The following CCDC88C variants were observed in gnomAD, a reference collection of about 807,000 sequenced individuals.
The protein encoded by CCDC88C is coiled-coil and HOOK domain protein 88C.
A neutral mutation model predicts 198.8 loss-of-function variants in CCDC88C; 131 were observed. The ratio of observed to expected loss-of-function variants is 0.66; its 90% CI spans 0.57 to 0.76. CCDC88C has a LOEUF of 0.76. CCDC88C is among the 30% of genes least tolerant of loss of function. The pLI, the probability that CCDC88C is intolerant of heterozygous loss-of-function variation, is 0.00. For synonymous variants in CCDC88C, 1,166 were observed against 1,114.7 expected (o/e 1.05, Z -0.92); for missense variants, 2,553 against 2,631.6 (o/e 0.97, Z 0.65).
chr14:91,362,959 T>G (rs1894376886), intron 3 of CCDC88C, among the ~76,000 whole-genome samples: 1 of 152,058 alleles, frequency 6.6e-6, no homozygotes, highest in Admixed American at 6.6e-5. Context: ...AATCATGTTT[T>G]AGGAACAGAC....
At chr14:91,391,648 G>A (rs1011506423) in intron 3 of CCDC88C, among the ~76,000 whole-genome samples, 11 of 152,024 alleles carry the variant, frequency 7.2e-5, no homozygotes, top group African/African-American at 1.7e-4. Flanking sequence ...GCGTGGTGGC[G>A]TGTGCCTGTA....
chr14:91,366,153 T>TC (rs1341021966), intron 3 of CCDC88C, among the ~76,000 whole-genome samples: 6 of 136,374 alleles, frequency 4.4e-5, no homozygotes, highest in Non-Finnish European at 7.9e-5. Context: ...ACTTAAAAAA[T>TC]ACACACACAC....
rs754664990 is a variant in CCDC88C at position 91,289,119 on chromosome 14, C to A, written c.4427G>T (p.Gly1476Val). 1 of 1,612,486 alleles carries A rather than the reference C, an allele frequency of 6.2e-7. No homozygotes were observed. Among genetic ancestry groups the A allele is most frequent in the East Asian group, 2.2e-5 (1 of 44,850 alleles). The change falls in exon 25 of 30, where the codon GGG becomes GTG. Residue 1476 changes from glycine (G) to valine (V), a missense_variant. Physicochemically the swap from Gly to Val is moderately radical, Grantham distance 109. Coordinates refer to ENST00000389857, the MANE Select transcript of CCDC88C (RefSeq NM_001080414.4). ...GCCGCCCCTACCTTTCCCCACAGAC[C>A]CGTTGTGGGCGTCGCGCTCTTCTGC... Reference protein sequence around the residue: ...NCAEERDAHNGSVGKGPGDLK... With the variant: ...NCAEERDAHNVSVGKGPGDLK...
intron 10 of CCDC88C, among the ~76,000 whole-genome samples, chr14:91,337,355 G>C (rs1165960320): frequency 6.6e-6 from 1 of 152,186 alleles, no homozygotes; most frequent in African/African-American, 2.4e-5. Context: ...TATTTTTAGG[G>C]ACAGGGTTCC....
chr14:91,295,472 C>A (rs1890959987), intron 22 of CCDC88C, among the ~76,000 whole-genome samples: 2 of 152,250 alleles, frequency 1.3e-5, no homozygotes, highest in Admixed American at 1.3e-4. Context: ...CCTGGAAACT[C>A]AGCTTTGGCC....
chr14:91,298,664 C>A (rs1268446438), intron 21 of CCDC88C, among the ~76,000 whole-genome samples: 1 of 152,226 alleles, frequency 6.6e-6, no homozygotes, highest in South Asian at 2.1e-4. Flanking sequence ...CAGCTGGCGG[C>A]CTTTGCTGGA....
At position 91,302,007 on chromosome 14, in the gene CCDC88C, T is replaced by C. The variant is rs1465915844; in HGVS notation, c.3635+1694A>G. 2.0e-5 allele frequency among the ~76,000 whole-genome samples: 3 copies of C among 152,156 alleles called. No individual in the cohort carries two copies. The East Asian group carries it at 5.8e-4, about 29-fold the overall frequency. On this transcript the variant is annotated intron_variant, in intron 20 of 29. Transcript: ENST00000389857. The stretch of plus-strand genomic sequence containing the variant: ...TACTTTAGGCCGGAAGGAGTAGTCT[T>C]ATAGTTTCAGATGCCTCAACAGCCC...
At chr14:91,411,327 C>T (rs1201151429) in intron 2 of CCDC88C, among the ~76,000 whole-genome samples, 1 of 152,154 alleles carries the variant, frequency 6.6e-6, no homozygotes, top group East Asian at 1.9e-4. Flanking sequence ...CTTCAGTGTT[C>T]TCATCTGCAA....
At chr14:91,383,246 C>G (rs540645828) in intron 3 of CCDC88C, among the ~76,000 whole-genome samples, 35 of 152,348 alleles carry the variant, frequency 2.3e-4, no homozygotes, top group Non-Finnish European at 5.9e-5. Flanking sequence ...CTGGAGTGCC[C>G]AGGGCAATCC....
At position 91,294,279 on chromosome 14, in the gene CCDC88C, G is replaced by C. The variant is rs1455945019; in HGVS notation, c.4006C>G (p.His1336Asp). The C allele has an allele frequency of 1.2e-6, 2 of 1,614,026 alleles. No homozygotes were observed. Residue 1336 changes from histidine to aspartate, a missense_variant, in exon 23 of 30, where the codon CAT (histidine) becomes GAT (aspartate). Physicochemically the swap from His to Asp is moderately conservative, Grantham distance 81. Around this residue, in one of 2 missense-constraint regions of CCDC88C, gnomAD observed 1,293 missense variants for 1,219.6 expected, o/e 1.06. Coordinates refer to ENST00000389857, the MANE Select transcript of CCDC88C (RefSeq NM_001080414.4). ...RLKGNLEEEN[H>D]HLLSQIQLLS... is the part of the protein sequence containing the mutation. ...AGCTGGATCTGGCTCAGGAGGTGAT[G>C]ATTTTCTTCCTCCAAGTTCCCCTTG...
intron 21 of CCDC88C, among the ~76,000 whole-genome samples, chr14:91,298,528 C>CAA (rs35141357): frequency 7.3e-5 from 8 of 109,880 alleles, no homozygotes; most frequent in Admixed American, 9.4e-5. Context: ...GATCCCATCT[C>CAA]AAAAAAAAAA....
chr14:91,307,172 G>C lies in CCDC88C; in HGVS notation c.3061C>G (p.Gln1021Glu). Residue 1021 changes from glutamine to glutamate, a missense_variant, in exon 18 of 30, where the codon CAG (glutamine) becomes GAG (glutamate). Physicochemically the swap from Gln to Glu is conservative, Grantham distance 29. Around this residue, in one of 2 missense-constraint regions of CCDC88C, gnomAD observed 1,260 missense variants for 1,412.0 expected, o/e 0.89. Coordinates refer to ENST00000389857, the MANE Select transcript of CCDC88C (RefSeq NM_001080414.4). ...RQNQGEGQHL[Q>E]NSFKHPAGKT... Reference sequence around the variant, plus strand: ...CCCGCAGGGTGCTTGAAAGAGTTCTGCAAGTGCTGCCCCTCTCCCTGGTTC... The same window carrying C: ...CCCGCAGGGTGCTTGAAAGAGTTCTCCAAGTGCTGCCCCTCTCCCTGGTTC... 6.2e-7 allele frequency: 1 copy of C among 1,613,902 alleles called. No homozygotes were observed. The highest frequency in any genetic ancestry group is 2.2e-5 in the East Asian group (1 of 44,886).
rs1484816973 is a variant in CCDC88C, at chr14:91,288,225, G to T, written c.4441+880C>A. On this transcript the variant is annotated intron_variant, in intron 25 of 29. Coordinates refer to ENST00000389857, the MANE Select transcript of CCDC88C (RefSeq NM_001080414.4). The surrounding 1 kb of genome is among the most constrained non-coding windows in gnomAD (Gnocchi z 4.2). ...GCAGCTTTCATGGCTCCTGAGAGTTGATGAAATACAGCATACATGATGAGA... is the reference window on the plus strand; with the variant it reads ...GCAGCTTTCATGGCTCCTGAGAGTTTATGAAATACAGCATACATGATGAGA... 6.6e-6 allele frequency among the ~76,000 whole-genome samples: 1 copy of T among 152,194 alleles called. No individual in the cohort carries two copies. The highest frequency in any genetic ancestry group is 1.5e-5 in the Non-Finnish European group (1 of 68,044).
chr14:91,277,020 A>G (rs1301208559), intron 29 of CCDC88C, among the ~76,000 whole-genome samples: 1 of 152,050 alleles, frequency 6.6e-6, no homozygotes, highest in Non-Finnish European at 1.5e-5. Context: ...CTCAAGATGG[A>G]GTGCAGTGGT....
At chr14:91,275,915 G>A (rs561931785) in intron 29 of CCDC88C, among the ~76,000 whole-genome samples, 20 of 133,516 alleles carry the variant, frequency 1.5e-4, no homozygotes, top group African/African-American at 4.3e-4. Flanking sequence ...TCCGCCTCCC[G>A]GGTTCACGCC....
intron 10 of CCDC88C, among the ~76,000 whole-genome samples, chr14:91,337,371 G>C (rs1007017793): frequency 6.6e-6 from 1 of 152,214 alleles, no homozygotes; most frequent in Non-Finnish European, 1.5e-5. Flanking sequence ...GTTCCTCTCT[G>C]CCACCTAGGC....
chr14:91,316,217 C>A (rs935698068), intron 13 of CCDC88C, among the ~76,000 whole-genome samples: 3 of 152,184 alleles, frequency 2.0e-5, no homozygotes, highest in African/African-American at 7.2e-5. Flanking sequence ...TCCTTCTTAC[C>A]CCTTCCACAC....
intron 12 of CCDC88C, among the ~76,000 whole-genome samples, chr14:91,323,712 T>C (rs948877118): frequency 7.2e-5 from 11 of 152,208 alleles, no homozygotes; most frequent in African/African-American, 2.4e-4. Context: ...CTAACAAATA[T>C]TTAGTTGATG....
intron 15 of CCDC88C, 146 bp from the exon 16 acceptor site, chr14:91,310,132 T>C (rs1413863192): frequency 3.8e-6 from 3 of 780,930 alleles, no homozygotes; most frequent in Admixed American, 3.2e-5. Flanking sequence ...ACCCCAGGGA[T>C]GCTCTTCCCG....
Sources: allele counts gnomAD v4.1 joint callset (sites outside exome capture counted in the v4.1 genomes callset), GRCh38; gene constraint gnomAD v4.1.1; regional missense constraint gnomAD v4.1.1; non-coding constraint Gnocchi (gnomAD v3.1); transcripts MANE v1.5; gene names NCBI Gene and HGNC (gene_info 2026-07-23, HGNC 2026-07-21).